PKNOX2: variants seen among roughly 807,000 people sequenced by gnomAD.
The protein encoded by PKNOX2 is PBX/knotted 1 homeobox 2.
Under a neutral mutation model 53.1 loss-of-function variants are expected in PKNOX2, and 14 were observed. The ratio of observed to expected loss-of-function variants is 0.26; its 90% CI spans 0.17 to 0.41. PKNOX2 has a LOEUF of 0.41. PKNOX2 is among the 10% of genes least tolerant of loss of function. PKNOX2 has a pLI of 1.00. For synonymous variants in PKNOX2, 257 were observed against 242.8 expected, an observed-to-expected ratio of 1.06 and a Z score of -0.54; for missense variants, 496 against 602.8, an observed-to-expected ratio of 0.82 and a Z score of 1.85.
chr11:125,382,903 G>C (rs534442727), intron 5 of PKNOX2, among the ~76,000 whole-genome samples: 1 of 152,102 alleles, frequency 6.6e-6, no homozygotes, highest in Non-Finnish European at 1.5e-5. Context: ...GGCAGTTTGG[G>C]GCAGCAAATA....
intron 3 of PKNOX2, among the ~76,000 whole-genome samples, chr11:125,340,767 C>G (rs1448239317): frequency 1.3e-5 from 2 of 152,096 alleles, no homozygotes; most frequent in East Asian, 3.9e-4. Flanking sequence ...TAAGAGCAAG[C>G]CAGGCCAGGC....
At chr11:125,209,935 G>C (rs149265047) in intron 1 of PKNOX2, among the ~76,000 whole-genome samples, 22 of 152,170 alleles carry the variant, frequency 1.4e-4, no homozygotes, top group African/African-American at 5.1e-4. Flanking sequence ...ACTGGTTCCA[G>C]AAGAAAGACC....
intron 8 of PKNOX2, 127 bp downstream of exon 8, chr11:125,410,452 CT>C: frequency 7.7e-7 from 1 of 1,299,040 alleles, no homozygotes; most frequent in Non-Finnish European, 1.0e-6. Context: ...AGTTTCTTGA[CT>C]AAAGTTTTCT....
chr11:125,294,180 CA>C (rs1397604418), intron 2 of PKNOX2, among the ~76,000 whole-genome samples: 5 of 152,298 alleles, frequency 3.3e-5, no homozygotes, highest in African/African-American at 1.2e-4. Flanking sequence ...AGCAGAAACA[CA>C]AATGATTCCT....
At chr11:125,299,018 G>A (rs1332228741) in intron 2 of PKNOX2, among the ~76,000 whole-genome samples, 1 of 152,058 alleles carries the variant, frequency 6.6e-6, no homozygotes, top group Non-Finnish European at 1.5e-5. Context: ...TCTGCAGGCT[G>A]TACAAGCATG....
intron 2 of PKNOX2, among the ~76,000 whole-genome samples, chr11:125,321,321 G>A (rs1949504896): frequency 6.6e-6 from 1 of 152,186 alleles, no homozygotes; most frequent in Non-Finnish European, 1.5e-5. Flanking sequence ...CTGATTTCAA[G>A]ACCAACCACA....
At chr11:125,239,336 C>T (rs1444557237) in intron 2 of PKNOX2, among the ~76,000 whole-genome samples, 1 of 152,126 alleles carries the variant, frequency 6.6e-6, no homozygotes, top group Non-Finnish European at 1.5e-5. Context: ...AAGGGAATGC[C>T]CGCTTTCCAG....
At chr11:125,311,019 T>C (rs967541241) in intron 2 of PKNOX2, among the ~76,000 whole-genome samples, 2 of 152,062 alleles carry the variant, frequency 1.3e-5, no homozygotes, top group African/African-American at 4.8e-5. Context: ...AGAATGTGTG[T>C]GGTATGGGGG....
At chr11:125,289,958 A>G (rs1199551406) in intron 2 of PKNOX2, among the ~76,000 whole-genome samples, 1 of 152,122 alleles carries the variant, frequency 6.6e-6, no homozygotes, top group Admixed American at 6.5e-5. Flanking sequence ...GGCAACCACA[A>G]TCTGTTTCTA....
intron 5 of PKNOX2, among the ~76,000 whole-genome samples, chr11:125,383,296 C>T (rs1224223811): frequency 1.3e-5 from 2 of 151,938 alleles, no homozygotes; most frequent in African/African-American, 2.4e-5. Flanking sequence ...GAGGGGAGAC[C>T]ATTGCCTGTT....
chr11:125,350,200 A>G (rs998266274), intron 3 of PKNOX2, among the ~76,000 whole-genome samples: 2 of 152,216 alleles, frequency 1.3e-5, no homozygotes, highest in South Asian at 2.1e-4. Context: ...CAGAGCATCT[A>G]CTGCAGCACA....
At chr11:125,405,505 C>A (rs1249156286) in intron 7 of PKNOX2, among the ~76,000 whole-genome samples, 2 of 152,172 alleles carry the variant, frequency 1.3e-5, no homozygotes, top group Admixed American at 6.5e-5. Context: ...CTGCACCCCC[C>A]ACTTCCAAAA....
At chr11:125,389,798 T>G (rs1415666917) in intron 6 of PKNOX2, among the ~76,000 whole-genome samples, 3 of 152,240 alleles carry the variant, frequency 2.0e-5, no homozygotes, top group Non-Finnish European at 4.4e-5. Context: ...TGGAATTTTT[T>G]TATGTGTAAA....
chr11:125,198,831 T>G (rs1314304240), intron 1 of PKNOX2, among the ~76,000 whole-genome samples: 1 of 136,014 alleles, frequency 7.4e-6, no homozygotes, highest in Non-Finnish European at 1.6e-5. Context: ...TCCTTCTTCT[T>G]CTTCTTCTTC....
At chr11:125,284,784 C>T (rs1194378700) in intron 2 of PKNOX2, among the ~76,000 whole-genome samples, 1 of 152,138 alleles carries the variant, frequency 6.6e-6, no homozygotes, top group African/African-American at 2.4e-5. Context: ...AGAAAGGACA[C>T]TAGGGACTTC....
In PKNOX2 at chr11:125,405,840, G is replaced by A. The variant is rs77956662; in HGVS notation, c.589-4356G>A. ...GGGTGCCCATGGAGCCCGGCGTGTT[G>A]GTTTTCATCTGATTCCCAGGCCTCA... On this transcript the variant is annotated intron_variant, in intron 7 of 12. Transcript: ENST00000298282. Among the ~76,000 whole-genome samples, 14 of 152,306 alleles carry A rather than the reference G, an allele frequency of 9.2e-5. No individual in the cohort carries two copies. In the East Asian group the frequency reaches 2.7e-3, roughly 29 times the overall value.
intron 2 of PKNOX2, among the ~76,000 whole-genome samples, chr11:125,257,515 C>A (rs567338450): frequency 1.3e-5 from 2 of 152,166 alleles, no homozygotes; most frequent in African/African-American, 4.8e-5. Flanking sequence ...GCTTCGGAAT[C>A]GAACAAATCT....
At chr11:125,189,411 ATATG>A (rs1393345054) in intron 1 of PKNOX2, among the ~76,000 whole-genome samples, 55 of 52,384 alleles carry the variant, frequency 1.0e-3, no homozygotes, top group East Asian at 3.5e-3. Flanking sequence ...GTGTATATAT[ATATG>A]TGTGTGTGTG....
At chr11:125,220,702 CTCCA>C (rs1224923108) in intron 1 of PKNOX2, among the ~76,000 whole-genome samples, 1 of 152,180 alleles carries the variant, frequency 6.6e-6, no homozygotes, top group Non-Finnish European at 1.5e-5. Flanking sequence ...TGTTCTATTT[CTCCA>C]TCCATCCATC....
Sources: gnomAD v4.1 joint callset for allele counts (sites outside exome capture counted in the v4.1 genomes callset) on GRCh38, gnomAD v4.1.1 for gene constraint, MANE v1.5 for transcripts, NCBI Gene and HGNC (gene_info 2026-07-23, HGNC 2026-07-21) for gene names.